Variants in ACCSL observed in about 807,000 individuals in gnomAD.
ACCSL encodes the protein probable inactive 1-aminocyclopropane-1-carboxylate synthase-like protein 2.
ACCSL carries 55 observed loss-of-function variants against 61.7 expected under a neutral mutation model. The observed-to-expected ratio is 0.89, with a 90% confidence interval of 0.72 to 1.12. ACCSL has a LOEUF of 1.12. Ranked by LOEUF, ACCSL falls within the 50% of genes most tolerant of loss-of-function variation. The probability of loss-of-function intolerance (pLI) is 0.00; values close to 1 mark genes in which losing one functional copy is unlikely to be tolerated. For missense variants in ACCSL, 632 were observed against 698.0 expected (o/e 0.91, Z 1.07); for synonymous variants, 258 against 264.3 (o/e 0.98, Z 0.23).
the ACCSL span, among the ~76,000 whole-genome samples, chr11:43,932,598 C>T: frequency 6.6e-6 from 1 of 152,152 alleles, no homozygotes; most frequent in African/African-American, 2.4e-5. Context: ...AACACCAGAA[C>T]CAAAGTATCG....
the ACCSL span, among the ~76,000 whole-genome samples, chr11:43,962,463 G>C: frequency 1.3e-5 from 2 of 152,192 alleles, no homozygotes; most frequent in African/African-American, 4.8e-5. Flanking sequence ...GAGATGAAAG[G>C]AAAAGGCAAG....
At chr11:43,988,965 C>T in the ACCSL span, among the ~76,000 whole-genome samples, 2 of 152,058 alleles carry the variant, frequency 1.3e-5, no homozygotes, top group African/African-American at 2.4e-5. Flanking sequence ...GTGGTCCTCA[C>T]CCGCAGCCAA....
At chr11:43,940,293 T>C in the ACCSL span, among the ~76,000 whole-genome samples, 1 of 152,094 alleles carries the variant, frequency 6.6e-6, no homozygotes, top group Non-Finnish European at 1.5e-5. Context: ...AGAATGAGTT[T>C]TGAAAAACAT....
At chr11:43,959,594 T>A in the ACCSL span, among the ~76,000 whole-genome samples, 5 of 152,208 alleles carry the variant, frequency 3.3e-5, no homozygotes, top group Admixed American at 1.3e-4. Context: ...GGGCTGGGAC[T>A]GGGCGGTGGC....
At chr11:43,949,367 C>T in the ACCSL span, among the ~76,000 whole-genome samples, 1 of 152,142 alleles carries the variant, frequency 6.6e-6, no homozygotes, top group African/African-American at 2.4e-5. Context: ...GGGGAATAAG[C>T]ACAGAGTGGC....
At chr11:43,986,424 G>A in the ACCSL span, among the ~76,000 whole-genome samples, 7 of 151,788 alleles carry the variant, frequency 4.6e-5, no homozygotes, top group South Asian at 1.2e-3. Context: ...AGTAAGACCC[G>A]GGCTTTACAT....
the ACCSL span, among the ~76,000 whole-genome samples, chr11:43,964,311 C>G: frequency 6.6e-6 from 1 of 151,890 alleles, no homozygotes; most frequent in African/African-American, 2.4e-5. Flanking sequence ...GTGGTGGGCA[C>G]CTGTAGTCCC....
At chr11:44,003,081 A>C in the ACCSL span, among the ~76,000 whole-genome samples, 1 of 152,236 alleles carries the variant, frequency 6.6e-6, no homozygotes, top group Non-Finnish European at 1.5e-5. Flanking sequence ...CATAATGAAC[A>C]TTTACAAATG....
the ACCSL span, among the ~76,000 whole-genome samples, chr11:44,005,622 A>G: frequency 6.6e-6 from 1 of 152,078 alleles, no homozygotes; most frequent in African/African-American, 2.4e-5. Context: ...CGTGCTTTGC[A>G]TATTAGGTCT....
At chr11:44,053,965 C>A (rs1952655592) in intron 8 of ACCSL, among the ~76,000 whole-genome samples, 2 of 152,190 alleles carry the variant, frequency 1.3e-5, no homozygotes, top group African/African-American at 4.8e-5. Flanking sequence ...ACATGCTTAC[C>A]ACTTCAAATT....
the ACCSL span, among the ~76,000 whole-genome samples, chr11:44,010,064 T>C: frequency 6.6e-6 from 1 of 152,164 alleles, no homozygotes; most frequent in Non-Finnish European, 1.5e-5. Flanking sequence ...CTCTCAGCTG[T>C]GTGCAATGGC....
the ACCSL span, among the ~76,000 whole-genome samples, chr11:43,936,815 G>T: frequency 6.6e-6 from 1 of 151,214 alleles, no homozygotes; most frequent in Admixed American, 6.6e-5. Flanking sequence ...GGGAGGGTGG[G>T]TGGTAAGCCC....
At chr11:44,011,196 T>C in the ACCSL span, among the ~76,000 whole-genome samples, 77,834 of 151,888 alleles carry the variant, frequency 0.51, 20,464 homozygotes, top group Middle Eastern at 0.62. Context: ...GCTACCTTCA[T>C]TTCCCACCTG....
At chr11:44,027,727 G>A in the ACCSL span, among the ~76,000 whole-genome samples, 1 of 152,148 alleles carries the variant, frequency 6.6e-6, no homozygotes, top group African/African-American at 2.4e-5. Context: ...TCCCAATAAT[G>A]AGATAATTTA....
At position 44,048,555 on chromosome 11, in the gene ACCSL, TGGGG is replaced by T; in HGVS notation, c.504+18_504+21del. ...AGAACACCTTGGTGAGAATTTGGGG[TGGGG>T]GGTGGGCAGCATCCTCACGGGCTCC... On this transcript the variant is annotated intron_variant, in intron 1 of 13. Transcript: ENST00000378832. 4.4e-6 allele frequency: 1 copy of T among 226,112 alleles called. No homozygotes were observed. The highest frequency in any genetic ancestry group is 7.5e-6 in the Non-Finnish European group (1 of 132,688). The allele number at this position is 226,112 out of a possible 1,614,324, so 14.0% of individuals were successfully genotyped here.
the ACCSL span, among the ~76,000 whole-genome samples, chr11:44,006,434 G>A: frequency 6.6e-6 from 1 of 151,708 alleles, no homozygotes; most frequent in African/African-American, 2.4e-5. Flanking sequence ...GCGTGACTTT[G>A]GGTAAGGTAC....
chr11:43,942,901 C>A, the ACCSL span: 2 of 1,381,672 alleles, frequency 1.4e-6, no homozygotes, highest in Non-Finnish European at 1.9e-6. Flanking sequence ...ACGCCGGAGG[C>A]GCCATGGCCG....
At chr11:43,922,366 G>A in the ACCSL span, 1 of 152,368 alleles carries the variant, frequency 6.6e-6, no homozygotes, top group South Asian at 2.1e-4. Context: ...CATGCTGAAT[G>A]TAGGCGAAAT....
At chr11:44,003,236 G>A in the ACCSL span, among the ~76,000 whole-genome samples, 1 of 152,172 alleles carries the variant, frequency 6.6e-6, no homozygotes, top group Non-Finnish European at 1.5e-5. Context: ...ACCTCAGAGA[G>A]GACATGGTGT....
Sources: gnomAD v4.1 joint callset for allele counts (sites outside exome capture counted in the v4.1 genomes callset) on GRCh38, gnomAD v4.1.1 for gene constraint, MANE v1.5 for transcripts, NCBI Gene and HGNC (gene_info 2026-07-23, HGNC 2026-07-21) for gene names.